Variants in PARP9 observed in about 807,000 individuals in gnomAD.
PARP9 encodes the protein poly(ADP-ribose) polymerase family member 9, also known as protein mono-ADP-ribosyltransferase PARP9.
In PARP9, 48 loss-of-function variants were observed where a neutral mutation model predicts 68.8. That is an observed-to-expected ratio of 0.70 (90% CI 0.55 to 0.89). PARP9 has a LOEUF of 0.89. PARP9 is among the 40% of genes least tolerant of loss of function. The pLI is 0.00. For synonymous variants in PARP9, 309 were observed against 333.8 expected, an observed-to-expected ratio of 0.93 and a Z score of 0.81; for missense variants, 806 against 969.3, an observed-to-expected ratio of 0.83 and a Z score of 2.24.
At chr3:122,545,288 G>A in intron 7 of PARP9, 144 bp downstream of exon 7, 1 of 759,078 alleles carries the variant, frequency 1.3e-6, no homozygotes, top group Non-Finnish European at 2.3e-6. Flanking sequence ...AGGGTAGAGA[G>A]TAGGCAGGTA....
chr3:122,547,478 C>G (rs2078855702), intron 6 of PARP9, among the ~76,000 whole-genome samples: 1 of 152,060 alleles, frequency 6.6e-6, no homozygotes, highest in Non-Finnish European at 1.5e-5. Flanking sequence ...AACTGTCATG[C>G]ATATTTTTGT....
At chr3:122,551,232 T>C (rs775419747) in intron 5 of PARP9, among the ~76,000 whole-genome samples, 2 of 152,232 alleles carry the variant, frequency 1.3e-5, no homozygotes, top group Non-Finnish European at 2.9e-5. Context: ...GTAATTTCTC[T>C]TGGAGAAATG....
In PARP9 at chr3:122,528,687, T is replaced by C; in HGVS notation, c.2137A>G (p.Lys713Glu). Residue 713 changes from lysine to glutamate, a missense_variant, in exon 11 of 11, where the codon AAG becomes GAG. Lys to Glu is a moderately conservative substitution (Grantham distance 56). Around this residue, in one of 2 missense-constraint regions of PARP9, gnomAD observed 680 missense variants for 858.8 expected, o/e 0.79. Transcript: ENST00000682323. ...FTKNLKNLAE[K>E]AKKISAADKL... ...TCTGCAGCAGAGATTTTCTTGGCCT[T>C]CTCTGCCAGGTTTTTGAGGTTCTTG... is the stretch of plus-strand genomic sequence containing the variant. 6.2e-7 allele frequency: 1 copy of C among 1,614,026 alleles called. No homozygotes were observed. Among genetic ancestry groups the C allele is most frequent in the Non-Finnish European group, 8.5e-7 (1 of 1,179,920 alleles).
intron 2 of PARP9, 99 bp downstream of exon 2, chr3:122,559,507 G>A (rs1318852145): frequency 8.2e-7 from 1 of 1,216,226 alleles, no homozygotes; most frequent in Non-Finnish European, 1.1e-6. Flanking sequence ...AGATGAGGAT[G>A]TCAACTGTTG....
At chr3:122,545,619 C>A in intron 6 of PARP9, 130 bp from the exon 7 acceptor site, 1 of 815,034 alleles carries the variant, frequency 1.2e-6, no homozygotes. Context: ...TACCACAAAT[C>A]TAAAGCAGCC....
chr3:122,545,238 A>T (rs1037241917), intron 7 of PARP9, among the ~76,000 whole-genome samples, 194 bp downstream of exon 7: 2 of 152,234 alleles, frequency 1.3e-5, no homozygotes, highest in Admixed American at 6.5e-5. Context: ...TCCTCTGTTC[A>T]TATCATGAAA....
intron 6 of PARP9, among the ~76,000 whole-genome samples, chr3:122,548,527 A>G (rs1202549417): frequency 7.2e-5 from 11 of 152,178 alleles, no homozygotes. Flanking sequence ...CCCTAACATC[A>G]TTAAAGTCTT....
In PARP9 at chr3:122,555,289, C is replaced by T. The variant is rs2107707868; in HGVS notation, c.882G>A (p.Gln294=). The T allele has an allele frequency of 6.2e-7, 1 of 1,604,318 alleles. No individual in the cohort carries two copies. The highest frequency in any genetic ancestry group is 1.1e-5 in the South Asian group (1 of 89,760). ...GAGAATAGAAACAAAGACTTACCGT[C>T]TGCCATTCAATGTGGCCCTGGACAA... The part of the protein sequence containing the change: ...LQIVQGHIEW[Q]TADVIVNSVN... The change falls in exon 4 of 11, where the codon CAG becomes CAA. Residue 294 remains glutamine, a synonymous_variant. Transcript: ENST00000682323.
At position 122,550,762 on chromosome 3, in the gene PARP9, A is replaced by G. The variant is rs145331099; in HGVS notation, c.1148T>C (p.Ile383Thr). 1.2e-5 allele frequency: 20 copies of G among 1,613,984 alleles called. No individual in the cohort carries two copies. The highest frequency in any genetic ancestry group is 9.9e-5 in the South Asian group (9 of 91,084). The change falls in exon 6 of 11, where the codon ATT becomes ACT. Residue 383 changes from isoleucine to threonine, a missense_variant. Ile to Thr is a moderately conservative substitution (Grantham distance 89, BLOSUM62 -1). Transcript: ENST00000682323. ...HAMKECLEKC[I>T]EQNITSISFP... Reference sequence around the variant, plus strand: ...GGAAATGGAAGTTATATTTTGCTCAATGCATTTTTCCAAACACTCCTTCAT... The same window carrying G: ...GGAAATGGAAGTTATATTTTGCTCAGTGCATTTTTCCAAACACTCCTTCAT...
chr3:122,555,267 A>C lies in PARP9; in HGVS notation c.885+19T>G. 1 of 1,585,842 alleles carries C rather than the reference A, an allele frequency of 6.3e-7. No homozygotes were observed. The highest frequency in any genetic ancestry group is 8.6e-7 in the Non-Finnish European group (1 of 1,165,524). The stretch of plus-strand genomic sequence containing the variant: ...GGGATCACCTGTGCCAGTGCAAGAG[A>C]ATAGAAACAAAGACTTACCGTCTGC... On this transcript the variant is annotated intron_variant, in intron 4 of 10. Coordinates refer to ENST00000682323, the MANE Select transcript of PARP9 (RefSeq NM_001146105.2).
In PARP9 at chr3:122,555,956, A is replaced by G; in HGVS notation, c.215T>C (p.Leu72Pro). ...AGTCAGCATTTTTCTGAACACTTGC[A>G]GAGATTTGCTGTTGCCTTCCTGAAC... ...SPVQEGNSKS[L>P]QVFRKMLTPR... is the part of the protein sequence containing the mutation. The change falls in exon 4 of 11, where the codon CTG becomes CCG. Residue 72 changes from leucine (L) to proline (P), a missense_variant. This residue lies in a region of PARP9 where 126 missense variants were observed against 110.5 expected (regional missense o/e 1.14). Transcript: ENST00000682323. 6.2e-7 allele frequency: 1 copy of G among 1,613,996 alleles called. No homozygotes were observed. The highest frequency in any genetic ancestry group is 8.5e-7 in the Non-Finnish European group (1 of 1,179,990).
Position 122,528,709 on chromosome 3 carries a change from C to G in PARP9, c.2115G>C (p.Lys705Asn). ...PKYGAGIYFT[K>N]NLKNLAEKAK... ...CCTTCTCTGCCAGGTTTTTGAGGTT[C>G]TTGGTGAAGTATATGCCAGCTCCGT... The change falls in exon 11 of 11, where the codon AAG (lysine) becomes AAC (asparagine). Residue 705 changes from lysine to asparagine, a missense_variant. Transcript: ENST00000682323. The G allele has an allele frequency of 6.2e-7, 1 of 1,613,154 alleles. No homozygotes were observed. The highest frequency in any genetic ancestry group is 8.5e-7 in the Non-Finnish European group (1 of 1,179,494).
chr3:122,540,265 G>C (rs971697500), intron 8 of PARP9, among the ~76,000 whole-genome samples: 1 of 152,124 alleles, frequency 6.6e-6, no homozygotes, highest in Non-Finnish European at 1.5e-5. Flanking sequence ...ATAAAATTGT[G>C]TTTGTGTATG....
At chr3:122,556,636 G>T (rs1053184449) in intron 3 of PARP9, among the ~76,000 whole-genome samples, 2 of 152,086 alleles carry the variant, frequency 1.3e-5, no homozygotes, top group African/African-American at 4.8e-5. Flanking sequence ...TTATTTGGGA[G>T]GTGATCCTAG....
intron 1 of PARP9, among the ~76,000 whole-genome samples, 198 bp from the exon 2 acceptor site, chr3:122,559,907 T>C (rs563748124): frequency 1.9e-4 from 29 of 152,288 alleles, no homozygotes; most frequent in South Asian, 1.9e-3. Context: ...CCAGTGGAAA[T>C]CATAATGGCA....
upstream of PARP9, chr3:122,564,659 C>G (rs767373202): frequency 6.5e-7 from 1 of 1,549,348 alleles, no homozygotes; most frequent in Non-Finnish European, 8.7e-7. Context: ...GGGGGCCCGG[C>G]CCCCGGGTTT....
chr3:122,540,950 C>G lies in PARP9; in HGVS notation c.1385-98G>C, dbSNP rs559192055. 15 of 1,315,768 alleles carry G rather than the reference C, an allele frequency of 1.1e-5. No individual in the cohort carries two copies. In the African/African-American group the frequency reaches 1.6e-4, roughly 14 times the overall value. 81.5% of individuals were successfully genotyped at this position (1,315,768 alleles called of 1,614,324 possible). A position where few individuals can be genotyped will look rare whatever the true frequency, so the allele number is the denominator to read the frequency against. Reference sequence around the variant, plus strand: ...CTGTCTCACAAGCTGGAGTGCAGTGCTGCGATCTCAGCTCACTGCAAGCTC... The same window carrying G: ...CTGTCTCACAAGCTGGAGTGCAGTGGTGCGATCTCAGCTCACTGCAAGCTC... On this transcript the variant is annotated intron_variant, in intron 7 of 10. Transcript: ENST00000682323.
intron 4 of PARP9, among the ~76,000 whole-genome samples, chr3:122,554,489 C>T (rs993252721): frequency 2.0e-5 from 3 of 151,966 alleles, no homozygotes; most frequent in African/African-American, 7.3e-5. Context: ...CTAATTCCTC[C>T]GGGTGCCTAA....
Position 122,528,541 on chromosome 3 carries a change from A to G in PARP9, c.2283T>C (p.Val761=), listed in dbSNP as rs2077082437. ...PGAIDGHDSV[V]DNVSSPETFV... is the part of the protein sequence containing the mutation. ...AGGTTTCAGGGCTGGAGACATTGTC[A>G]ACCACACTGTCATGACCATCTATAG... is the stretch of plus-strand genomic sequence containing the variant. Residue 761 remains valine (V), a synonymous_variant, in exon 11 of 11, where the codon GTT becomes GTC. Coordinates refer to ENST00000682323, the MANE Select transcript of PARP9 (RefSeq NM_001146105.2). 2 of 1,614,076 alleles carry G rather than the reference A, an allele frequency of 1.2e-6. No homozygotes were observed. The highest frequency in any genetic ancestry group is 2.7e-5 in the African/African-American group (2 of 74,938).
Sources: allele counts gnomAD v4.1 joint callset (sites outside exome capture counted in the v4.1 genomes callset), GRCh38; gene constraint gnomAD v4.1.1; regional missense constraint gnomAD v4.1.1; transcripts MANE v1.5; gene names NCBI Gene and HGNC (gene_info 2026-07-23, HGNC 2026-07-21).